Variants in GLI3 observed in about 807,000 individuals in gnomAD.
The protein encoded by GLI3 is GLI family zinc finger 3.
Under a neutral mutation model 100.8 loss-of-function variants are expected in GLI3, and 20 were observed. The observed-to-expected ratio is 0.20, with a 90% CI of 0.14 to 0.29. The LOEUF is 0.29. GLI3 is among the 10% of genes least tolerant of loss of function. The pLI is 1.00. For missense variants in GLI3, 2,040 were observed against 2,128.5 expected (o/e 0.96, Z 0.82); for synonymous variants, 938 against 860.5 (o/e 1.09, Z -1.58).
chr7:42,246,232 C>T (rs2128709727), intron 1 of GLI3, among the ~76,000 whole-genome samples: 1 of 152,282 alleles, frequency 6.6e-6, no homozygotes, highest in Admixed American at 6.5e-5. Flanking sequence ...ATCCATGTGC[C>T]TGGAGTAGAA....
intron 10 of GLI3, among the ~76,000 whole-genome samples, chr7:41,995,530 G>A (rs1788101641): frequency 6.6e-6 from 1 of 152,024 alleles, no homozygotes; most frequent in African/African-American, 2.4e-5. Flanking sequence ...TGAGTTTGTG[G>A]CATAGATAAG....
rs371649392 is a variant in GLI3 at position 42,172,689 on chromosome 7, G to A, written c.125-24221C>T. ...GGCCTGGGCCTCCAAATGGTTGCCT[G>A]GGAGAAGGGGATGAGTTTTCAGCAG... On this transcript the variant is annotated intron_variant, in intron 2 of 14. Transcript: ENST00000395925. 1.8e-4 allele frequency: 123 copies of A among 699,004 alleles called. No individual in the cohort carries two copies. The African/African-American group carries it at 1.8e-3, about 10-fold the overall frequency. The allele number at this position is 699,004 out of a possible 1,614,324, so 43.3% of individuals were successfully genotyped here. A position where few individuals can be genotyped will look rare whatever the true frequency, so the allele number is the denominator to read the frequency against.
chr7:42,258,469 C>T (rs1789107789), intron 1 of GLI3, among the ~76,000 whole-genome samples: 1 of 152,212 alleles, frequency 6.6e-6, no homozygotes, highest in African/African-American at 2.4e-5. Flanking sequence ...TGTTGCCCTC[C>T]ATGAGTTACT....
chr7:41,990,947 A>G (rs1787970991), intron 10 of GLI3, among the ~76,000 whole-genome samples: 1 of 151,874 alleles, frequency 6.6e-6, no homozygotes, highest in African/African-American at 2.4e-5. Flanking sequence ...GGCACGTCTC[A>G]AGAACTACTG....
At chr7:42,109,202 G>T (rs929054681) in intron 3 of GLI3, among the ~76,000 whole-genome samples, 1 of 152,202 alleles carries the variant, frequency 6.6e-6, no homozygotes, top group African/African-American at 2.4e-5. Context: ...AAGGCACCTT[G>T]CTTTAATCCA....
chr7:41,977,844 G>A lies in GLI3; in HGVS notation c.1648-122C>T. Reference sequence around the variant, plus strand: ...GGGTCAGCAGCTTTTCAAAACCCAGGAACAAAAAGTCCACTAAACTCTGCA... The same window carrying A: ...GGGTCAGCAGCTTTTCAAAACCCAGAAACAAAAAGTCCACTAAACTCTGCA... On this transcript the variant is annotated intron_variant, in intron 11 of 14. Transcript: ENST00000395925. 3 of 863,402 alleles carry A rather than the reference G, an allele frequency of 3.5e-6. No homozygotes were observed. In the Admixed American group the frequency reaches 5.3e-5, roughly 15 times the overall value. The allele number at this position is 863,402 out of a possible 1,614,324, so 53.5% of individuals were successfully genotyped here.
chr7:42,243,981 G>A (rs777333017), intron 1 of GLI3, among the ~76,000 whole-genome samples: 3 of 151,994 alleles, frequency 2.0e-5, no homozygotes, highest in East Asian at 1.9e-4. Flanking sequence ...TTACAGGCAC[G>A]TGCCACCACA....
chr7:42,058,232 A>G (rs1393612114), intron 4 of GLI3, among the ~76,000 whole-genome samples: 1 of 152,160 alleles, frequency 6.6e-6, no homozygotes, highest in Non-Finnish European at 1.5e-5. Flanking sequence ...GATAGTCAGG[A>G]TAATGTTGAC....
At chr7:42,254,215 G>A (rs1346878393) in intron 1 of GLI3, among the ~76,000 whole-genome samples, 7 of 12,164 alleles carry the variant, frequency 5.8e-4, no homozygotes, top group South Asian at 1.8e-3. Flanking sequence ...GCAAAACTCC[G>A]TTAAAAAAAA....
At chr7:42,081,116 G>A (rs943888679) in intron 3 of GLI3, among the ~76,000 whole-genome samples, 1 of 152,156 alleles carries the variant, frequency 6.6e-6, no homozygotes, top group Non-Finnish European at 1.5e-5. Flanking sequence ...TTTCCTGACT[G>A]ATGGCTCCAC....
intron 10 of GLI3, among the ~76,000 whole-genome samples, chr7:42,018,920 T>A (rs1788850337): frequency 6.6e-6 from 1 of 152,158 alleles, no homozygotes; most frequent in South Asian, 2.1e-4. Context: ...GCCCCACAGG[T>A]AGAAGACAAC....
Position 42,148,139 on chromosome 7 carries a change from A to G in GLI3, c.367+87T>C, listed in dbSNP as rs1217216024. The G allele has an allele frequency of 7.0e-3, 1,067 of 152,098 alleles. 2 individuals are homozygous for G. Among genetic ancestry groups the G allele is most frequent in the South Asian group, 0.04 (338 of 8,370 alleles). 9.4% of individuals were successfully genotyped at this position (152,098 alleles called of 1,614,324 possible). On this transcript the variant is annotated intron_variant, in intron 3 of 14. Coordinates refer to ENST00000395925, the MANE Select transcript of GLI3 (RefSeq NM_000168.6). ...AGCCAAAACTTCATAAAGCGCGCAC[A>G]CACACACACACACACACACACACAC...
intron 1 of GLI3, among the ~76,000 whole-genome samples, chr7:42,263,727 C>A (rs12701956): frequency 0.42 from 64,221 of 151,910 alleles, 13,665 homozygotes; most frequent in Middle Eastern, 0.53. Context: ...GGATTACAGG[C>A]GTGAGCCACC....
chr7:42,014,191 C>T (rs1168096993), intron 10 of GLI3, among the ~76,000 whole-genome samples: 1 of 152,064 alleles, frequency 6.6e-6, no homozygotes. Context: ...TGGCTCAAGC[C>T]ATTCCTCTCA....
intron 1 of GLI3, among the ~76,000 whole-genome samples, chr7:42,253,464 C>T (rs1471919525): frequency 6.6e-6 from 1 of 152,196 alleles, no homozygotes. Flanking sequence ...CAAGGCTGCT[C>T]CCAGCCTGAG....
chr7:42,208,559 T>C (rs1177837419), intron 2 of GLI3, among the ~76,000 whole-genome samples: 7 of 152,050 alleles, frequency 4.6e-5, no homozygotes, highest in Admixed American at 4.6e-4. Flanking sequence ...ACTTGAGAGG[T>C]TCAGTGTTTA....
chr7:42,090,022 G>C (rs981774474), intron 3 of GLI3, among the ~76,000 whole-genome samples: 1 of 152,146 alleles, frequency 6.6e-6, no homozygotes, highest in South Asian at 2.1e-4. Flanking sequence ...ATAACGGTAC[G>C]GTAGCATGTC....
At chr7:42,136,607 A>G (rs1174466689) in intron 3 of GLI3, among the ~76,000 whole-genome samples, 1 of 152,220 alleles carries the variant, frequency 6.6e-6, no homozygotes, top group Non-Finnish European at 1.5e-5. Flanking sequence ...GGTAATGTTA[A>G]GTTCTTTGCA....
chr7:42,237,175 G>T lies in GLI3; in HGVS notation c.-247C>A. On this transcript the variant is annotated 5_prime_UTR_variant, in exon 1 of 15. Transcript: ENST00000395925. ...GGGAAGGCGGGAGAGCGGCGCGGGTGAGTGGGAGCGGCGGGTGTGCGCGAG... is the reference window on the plus strand; with the variant it reads ...GGGAAGGCGGGAGAGCGGCGCGGGTTAGTGGGAGCGGCGGGTGTGCGCGAG... 6.7e-6 allele frequency: 1 copy of T among 150,262 alleles called. No individual in the cohort carries two copies. The highest frequency in any genetic ancestry group is 1.9e-4 in the South Asian group (1 of 5,380). The allele number at this position is 150,262 out of a possible 1,614,324, so 9.3% of individuals were successfully genotyped here.
Sources: gnomAD v4.1 joint callset for allele counts (sites outside exome capture counted in the v4.1 genomes callset) on GRCh38, gnomAD v4.1.1 for gene constraint, MANE v1.5 for transcripts, NCBI Gene and HGNC (gene_info 2026-07-23, HGNC 2026-07-21) for gene names.